The following LRRC4C variants were observed in gnomAD, a reference collection of about 807,000 sequenced individuals.
The protein encoded by LRRC4C is leucine-rich repeat-containing protein 4C.
Under a neutral mutation model 33.6 loss-of-function variants are expected in LRRC4C, and 5 were observed. The ratio of observed to expected loss-of-function variants is 0.15; its 90% confidence interval spans 0.08 to 0.31. LRRC4C has a LOEUF of 0.31. Ranked by LOEUF, LRRC4C falls within the 10% of genes least tolerant of loss-of-function variation. The probability of loss-of-function intolerance (pLI) is 1.00; values close to 1 mark genes in which losing one functional copy is unlikely to be tolerated. For missense variants in LRRC4C, 560 were observed against 796.7 expected, an observed-to-expected ratio of 0.70 and a Z score of 3.58; for synonymous variants, 329 against 302.0, an observed-to-expected ratio of 1.09 and a Z score of -0.93.
At chr11:40,831,235 A>C (rs1952399049) in intron 2 of LRRC4C, among the ~76,000 whole-genome samples, 1 of 152,164 alleles carries the variant, frequency 6.6e-6, no homozygotes, top group African/African-American at 2.4e-5. Context: ...TGAAATTGTT[A>C]CTTTTGCTCT....
At chr11:40,782,047 A>C (rs1289510093) in intron 2 of LRRC4C, among the ~76,000 whole-genome samples, 1 of 152,186 alleles carries the variant, frequency 6.6e-6, no homozygotes, top group Non-Finnish European at 1.5e-5. Context: ...ATTTAATTTC[A>C]AGCCAAAAGC....
chr11:40,503,226 T>C (rs1165476730), intron 3 of LRRC4C, among the ~76,000 whole-genome samples: 1 of 152,210 alleles, frequency 6.6e-6, no homozygotes, highest in Non-Finnish European at 1.5e-5. Context: ...CATGAAGCCT[T>C]CCTACAGACC....
rs566440037 is a variant in LRRC4C at position 40,712,871 on chromosome 11, CCTTT to C, written c.-406-64597_-406-64594del. Among the ~76,000 whole-genome samples the C allele has an allele frequency of 1.8e-3, 266 of 150,810 alleles. 1 individual carries two copies. Among genetic ancestry groups the C allele is most frequent in the African/African-American group, 5.0e-3 (206 of 41,130 alleles). On this transcript the variant is annotated intron_variant, in intron 2 of 6. Transcript: ENST00000528697. Reference sequence around the variant, plus strand: ...GATCGTTTGTTATTTCATATAAGTTCCTTTCTTTCTTTCTTTCTTTCTTTTTTTT... The same window carrying C: ...GATCGTTTGTTATTTCATATAAGTTCCTTTCTTTCTTTCTTTCTTTTTTTT...
chr11:41,448,122 G>GTTTTTTTTTTTTTCTTTTTTT (rs1955888713), intron 1 of LRRC4C, among the ~76,000 whole-genome samples: 1 of 46,948 alleles, frequency 2.1e-5, no homozygotes, highest in Non-Finnish European at 4.4e-5. Context: ...GCACACGTCT[G>GTTTTTTTTTTTTTCTTTTTTT]TTTTTTTTTT....
At position 40,476,260 on chromosome 11, in the gene LRRC4C, G is replaced by A. The variant is rs147883396; in HGVS notation, c.-269-156539C>T. Among the ~76,000 whole-genome samples, 148 of 151,922 alleles carry A rather than the reference G, an allele frequency of 9.7e-4. 1 individual carries two copies. The highest frequency in any genetic ancestry group is 3.4e-3 in the Middle Eastern group (1 of 292). ...TATGGCATGGCTTAAAATTATTTGA[G>A]GTTCTGCTACTTTTAACCAAAAGAG... is the stretch of plus-strand genomic sequence containing the variant. On this transcript the variant is annotated intron_variant, in intron 3 of 6. Transcript: ENST00000528697.
intron 1 of LRRC4C, among the ~76,000 whole-genome samples, chr11:41,393,858 A>G (rs1022153287): frequency 1.3e-5 from 2 of 152,000 alleles, no homozygotes; most frequent in Non-Finnish European, 2.9e-5. Context: ...AGCATATGCA[A>G]GTGAATTCCA....
At chr11:41,122,013 A>G (rs1366699850) in intron 1 of LRRC4C, among the ~76,000 whole-genome samples, 1 of 152,184 alleles carries the variant, frequency 6.6e-6, no homozygotes, top group African/African-American at 2.4e-5. Flanking sequence ...ATAAAGAAAA[A>G]TGTAGAATAA....
intron 1 of LRRC4C, among the ~76,000 whole-genome samples, chr11:41,157,991 C>T (rs1451599827): frequency 6.6e-6 from 1 of 151,940 alleles, no homozygotes; most frequent in Non-Finnish European, 1.5e-5. Flanking sequence ...AGCTCTTATT[C>T]ATTCATTTAT....
intron 1 of LRRC4C, among the ~76,000 whole-genome samples, chr11:40,964,805 A>G (rs1331051570): frequency 5.9e-5 from 9 of 151,660 alleles, no homozygotes; most frequent in African/African-American, 2.2e-4. Flanking sequence ...AGTCTTTGCT[A>G]TTGTGAATAG....
intron 1 of LRRC4C, among the ~76,000 whole-genome samples, chr11:41,236,574 GA>G (rs141265510): frequency 0.06 from 8,757 of 145,116 alleles, 433 homozygotes; most frequent in African/African-American, 0.14. Flanking sequence ...CATTATAATT[GA>G]AAAAAAAAAA....
intron 1 of LRRC4C, among the ~76,000 whole-genome samples, chr11:40,950,732 A>G (rs1458233763): frequency 6.6e-6 from 1 of 152,078 alleles, no homozygotes; most frequent in Non-Finnish European, 1.5e-5. Flanking sequence ...TACCCAAGTA[A>G]GTTTATTTCC....
At chr11:40,744,078 G>A (rs1948296754) in intron 2 of LRRC4C, among the ~76,000 whole-genome samples, 1 of 152,014 alleles carries the variant, frequency 6.6e-6, no homozygotes, top group Admixed American at 6.6e-5. Flanking sequence ...ATTTCTTTGT[G>A]TTCACCGTGT....
Position 41,424,846 on chromosome 11 carries a change from AT to A in LRRC4C, c.-496+34584del, listed in dbSNP as rs537496681. The stretch of plus-strand genomic sequence containing the variant: ...CAAGGAATATAGATACTTCTGAAGT[AT>A]TTTTTTTTGAAAATTTATACAGATA... On this transcript the variant is annotated intron_variant, in intron 1 of 6. Coordinates refer to ENST00000528697, the MANE Select transcript of LRRC4C (RefSeq NM_001258419.2). 3.9e-3 allele frequency among the ~76,000 whole-genome samples: 593 copies of A among 151,052 alleles called. 4 individuals are homozygous for A. Among genetic ancestry groups the A allele is most frequent in the African/African-American group, 0.013 (549 of 41,204 alleles).
Position 40,585,469 on chromosome 11 carries a change from GTTAT to G in LRRC4C, c.-270+62669_-270+62672del, listed in dbSNP as rs200620386. ...AGTGTGTTTACTGAAATTTGAATTTGTTATTTCTTTTTTTTTTTATACTTTAAGT... is the reference window on the plus strand; with the variant it reads ...AGTGTGTTTACTGAAATTTGAATTTGTTCTTTTTTTTTTTATACTTTAAGT... On this transcript the variant is annotated intron_variant, in intron 3 of 6. Coordinates refer to ENST00000528697, the MANE Select transcript of LRRC4C (RefSeq NM_001258419.2). Among the ~76,000 whole-genome samples, 1,118 of 140,148 alleles carry G rather than the reference GTTAT, an allele frequency of 8.0e-3. 9 individuals are homozygous for G. The highest frequency in any genetic ancestry group is 0.029 in the African/African-American group (1,070 of 37,118). The allele number at this position is 140,148 out of a possible 152,430, so 91.9% of individuals were successfully genotyped here.
chr11:40,769,090 T>G (rs2137148424), intron 2 of LRRC4C, among the ~76,000 whole-genome samples: 1 of 152,086 alleles, frequency 6.6e-6, no homozygotes, highest in Admixed American at 6.5e-5. Flanking sequence ...ACCAAAAGAT[T>G]TCATGAAAAA....
chr11:41,253,660 CT>C (rs1948712254), intron 1 of LRRC4C, among the ~76,000 whole-genome samples: 1 of 152,094 alleles, frequency 6.6e-6, no homozygotes, highest in Non-Finnish European at 1.5e-5. Flanking sequence ...AGTTCCAAAT[CT>C]GTAAAATGAA....
chr11:41,454,197 T>C (rs2138671631), intron 1 of LRRC4C, among the ~76,000 whole-genome samples: 1 of 152,274 alleles, frequency 6.6e-6, no homozygotes, highest in East Asian at 1.9e-4. Flanking sequence ...GACTCATCAC[T>C]GACAGCTCAG....
chr11:40,543,300 G>A (rs1956795155), intron 3 of LRRC4C, among the ~76,000 whole-genome samples: 1 of 152,028 alleles, frequency 6.6e-6, no homozygotes, highest in Non-Finnish European at 1.5e-5. Flanking sequence ...CTGAAGGCTA[G>A]CACTGTAAAG....
intron 2 of LRRC4C, among the ~76,000 whole-genome samples, chr11:40,875,305 T>C (rs1462905377): frequency 6.6e-6 from 1 of 152,212 alleles, no homozygotes; most frequent in African/African-American, 2.4e-5. Context: ...CGAAAAGTTA[T>C]ACTTCTGATC....
Sources: allele counts gnomAD v4.1 joint callset (sites outside exome capture counted in the v4.1 genomes callset), GRCh38; gene constraint gnomAD v4.1.1; transcripts MANE v1.5; gene names NCBI Gene and HGNC (gene_info 2026-07-23, HGNC 2026-07-21).